Variants in ADGRG2 observed in about 807,000 individuals in gnomAD.
ADGRG2 encodes G protein-coupled receptor 64.
A neutral mutation model predicts 74.1 loss-of-function variants in ADGRG2; 26 were observed. The ratio of observed to expected loss-of-function variants is 0.35; its 90% CI spans 0.26 to 0.49. The LOEUF (loss-of-function observed/expected upper bound fraction) is 0.49. Ranked by LOEUF, ADGRG2 falls within the 20% of genes least tolerant of loss-of-function variation. ADGRG2 has a pLI of 0.99. For missense variants in ADGRG2, 619 were observed against 763.1 expected (o/e 0.81, Z 2.22); for synonymous variants, 296 against 295.2 (o/e 1.00, Z -0.03).
intron 26 of ADGRG2, among the ~76,000 whole-genome samples, 173 bp from the exon 27 acceptor site, chrX:18,996,325 G>A (rs184241963): frequency 1.1e-4 from 12 of 111,578 alleles, no homozygotes; most frequent in African/African-American, 3.9e-4. Context: ...AAAGGCATCG[G>A]GGAATGAATG....
chrX:19,082,158 C>T (rs1195088579), intron 2 of ADGRG2, among the ~76,000 whole-genome samples: 4 of 107,288 alleles, frequency 3.7e-5, no homozygotes, highest in African/African-American at 1.4e-4. Context: ...GTGAAAGTAG[C>T]GGCTTCAGAA....
intron 1 of ADGRG2, among the ~76,000 whole-genome samples, chrX:19,101,669 C>G (rs2062190773): frequency 9.2e-6 from 1 of 109,285 alleles, no homozygotes; most frequent in Non-Finnish European, 1.9e-5. Flanking sequence ...CTACTGCACT[C>G]CAGCCTGGGC....
At chrX:19,028,314 A>T (rs2060748370) in intron 9 of ADGRG2, 76 bp from the exon 10 acceptor site, 1 of 460,617 alleles carries the variant, frequency 2.2e-6, no homozygotes, top group Non-Finnish European at 3.8e-6. Context: ...ATACAAAAAG[A>T]TTATCAAATT....
At chrX:19,045,912 T>A (rs957785866) in intron 3 of ADGRG2, among the ~76,000 whole-genome samples, 1 of 111,833 alleles carries the variant, frequency 8.9e-6, no homozygotes, top group African/African-American at 3.3e-5. Context: ...AGTGACAGGG[T>A]CTTGCTCTGT....
At chrX:19,117,174 A>T (rs1282169094) in intron 1 of ADGRG2, among the ~76,000 whole-genome samples, 1 of 109,661 alleles carries the variant, frequency 9.1e-6, no homozygotes. Context: ...GGGCACCTGC[A>T]ATCTCAGCTA....
At chrX:19,111,198 G>A (rs73636697) in intron 1 of ADGRG2, among the ~76,000 whole-genome samples, 27 of 110,729 alleles carry the variant, frequency 2.4e-4, no homozygotes, top group Admixed American at 2.2e-3. Flanking sequence ...TTGCATGAGG[G>A]TGACAGGGAA....
At chrX:19,013,024 C>T (rs2060390694) in intron 16 of ADGRG2, among the ~76,000 whole-genome samples, 1 of 111,334 alleles carries the variant, frequency 9.0e-6, no homozygotes, top group South Asian at 3.8e-4. Flanking sequence ...TTTTGATCCT[C>T]GCATAGAACA....
intron 2 of ADGRG2, among the ~76,000 whole-genome samples, chrX:19,077,281 G>A (rs760078866): frequency 1.0e-5 from 1 of 100,456 alleles, no homozygotes; most frequent in Admixed American, 1.1e-4. Flanking sequence ...TGGATCACCT[G>A]AGGTCAGGAA....
chrX:19,078,250 T>C (rs1383120615), intron 2 of ADGRG2, among the ~76,000 whole-genome samples: 1 of 112,200 alleles, frequency 8.9e-6, no homozygotes, highest in Non-Finnish European at 1.9e-5. Context: ...GAAGTCACAA[T>C]GTTTATTAGA....
At chrX:19,058,734 ACAT>A (rs2061441233) in intron 3 of ADGRG2, among the ~76,000 whole-genome samples, 1 of 112,285 alleles carries the variant, frequency 8.9e-6, no homozygotes, top group Non-Finnish European at 1.9e-5. Context: ...CACATCACAA[ACAT>A]CATTGCAAAA....
At chrX:19,005,336 A>G (rs2060207763) in intron 22 of ADGRG2, among the ~76,000 whole-genome samples, 2 of 112,544 alleles carry the variant, frequency 1.8e-5, no homozygotes, top group Non-Finnish European at 3.7e-5. Context: ...GGATGATTAA[A>G]TAAGAGCATT....
At position 19,104,887 on chromosome X, in the gene ADGRG2, C is replaced by T. The variant is rs5955696; in HGVS notation, c.-47+17555G>A. On this transcript the variant is annotated intron_variant, in intron 1 of 28. Transcript: ENST00000379869. ...AGCCAAGATCACACCACTGCACTCT[C>T]GTCTAGGTGATAGAGCGAGACTCTG... Among the ~76,000 whole-genome samples, 423 of 89,240 alleles carry T rather than the reference C, an allele frequency of 4.7e-3. 3 individuals are homozygous for T. Among genetic ancestry groups the T allele is most frequent in the African/African-American group, 0.017 (403 of 24,077 alleles). The allele number at this position is 89,240 out of a possible 115,157, so 77.5% of individuals were successfully genotyped here. A position where few individuals can be genotyped will look rare whatever the true frequency, so the allele number is the denominator to read the frequency against.
At chrX:19,078,276 G>A (rs1449625101) in intron 2 of ADGRG2, among the ~76,000 whole-genome samples, 3 of 112,268 alleles carry the variant, frequency 2.7e-5, no homozygotes, top group Non-Finnish European at 3.8e-5. Flanking sequence ...TTCGCCAGGC[G>A]TGGTGGCTCA....
At chrX:19,104,916 CAA>C (rs1001242331) in intron 1 of ADGRG2, among the ~76,000 whole-genome samples, 101 of 23,356 alleles carry the variant, frequency 4.3e-3, no homozygotes, top group African/African-American at 0.014. Context: ...GACTCTGTCT[CAA>C]AAAAAAAAAA....
intron 1 of ADGRG2, among the ~76,000 whole-genome samples, chrX:19,103,927 G>A (rs1213207579): frequency 1.8e-5 from 2 of 111,382 alleles, no homozygotes; most frequent in Non-Finnish European, 3.8e-5. Context: ...AAAAGGCTGG[G>A]TCCTATCACA....
intron 2 of ADGRG2, among the ~76,000 whole-genome samples, chrX:19,073,905 G>T (rs933911458): frequency 1.8e-5 from 2 of 111,833 alleles, no homozygotes; most frequent in African/African-American, 6.5e-5. Context: ...CATATATGTT[G>T]GCTTACAAGA....
intron 3 of ADGRG2, among the ~76,000 whole-genome samples, chrX:19,065,888 C>T (rs971567751): frequency 1.8e-5 from 2 of 112,437 alleles, no homozygotes; most frequent in African/African-American, 6.5e-5. Flanking sequence ...CGCTCTGTCA[C>T]CCAGGCTGGA....
chrX:19,001,623 G>A (rs1462390795), intron 24 of ADGRG2, among the ~76,000 whole-genome samples: 2 of 111,800 alleles, frequency 1.8e-5, no homozygotes, highest in Non-Finnish European at 3.8e-5. Context: ...CCAGTATCTG[G>A]AGCGTTGACT....
At chrX:19,076,724 G>A (rs765856745) in intron 2 of ADGRG2, among the ~76,000 whole-genome samples, 3 of 111,485 alleles carry the variant, frequency 2.7e-5, no homozygotes, top group African/African-American at 6.5e-5. Flanking sequence ...AGCCAAGATC[G>A]TGCCACTGGA....
Sources: gnomAD v4.1 joint callset for allele counts (sites outside exome capture counted in the v4.1 genomes callset) on GRCh38, gnomAD v4.1.1 for gene constraint, MANE v1.5 for transcripts, NCBI Gene and HGNC (gene_info 2026-07-23, HGNC 2026-07-21) for gene names.